Variants in ZFYVE9 observed in about 807,000 individuals in gnomAD.
The protein encoded by ZFYVE9 is zinc finger FYVE-type containing 9.
A neutral mutation model predicts 126.7 loss-of-function variants in ZFYVE9; 43 were observed. That is an observed-to-expected ratio of 0.34 (90% CI 0.27 to 0.44). The LOEUF (loss-of-function observed/expected upper bound fraction) is 0.44. ZFYVE9 is among the 20% of genes least tolerant of loss of function. The probability of loss-of-function intolerance (pLI) is 1.00; values close to 1 mark genes in which losing one functional copy is unlikely to be tolerated. For missense variants in ZFYVE9, 1,476 were observed against 1,697.0 expected (o/e 0.87, Z 2.29); for synonymous variants, 521 against 597.4 (o/e 0.87, Z 1.87).
intron 13 of ZFYVE9, among the ~76,000 whole-genome samples, chr1:52,304,640 G>T (rs935204232): frequency 1.5e-4 from 23 of 150,698 alleles, no homozygotes; most frequent in African/African-American, 2.4e-5. Context: ...TCTTCATTTA[G>T]CCACTAAATC....
rs190450725 is a variant in ZFYVE9, at chr1:52,229,198, A to T, written c.-36-3973A>T. On this transcript the variant is annotated intron_variant, in intron 2 of 18. Transcript: ENST00000287727. The stretch of plus-strand genomic sequence containing the variant: ...TAATATTTTGGAAAGTTCAGATCAG[A>T]TACAGAATGTCTCACATTCTAGATT... 5.3e-5 allele frequency among the ~76,000 whole-genome samples: 8 copies of T among 152,304 alleles called. No individual in the cohort carries two copies. In the East Asian group the frequency reaches 1.5e-3, roughly 29 times the overall value.
In ZFYVE9 at chr1:52,294,131, G is replaced by A. The variant is rs77911412; in HGVS notation, c.3250+454G>A. Among the ~76,000 whole-genome samples, 1,065 of 152,290 alleles carry A rather than the reference G, an allele frequency of 7.0e-3. 13 individuals carry two copies. Among genetic ancestry groups the A allele is most frequent in the African/African-American group, 0.024 (1,012 of 41,560 alleles). On this transcript the variant is annotated intron_variant, in intron 11 of 18. Coordinates refer to ENST00000287727, the MANE Select transcript of ZFYVE9 (RefSeq NM_004799.4). The stretch of plus-strand genomic sequence containing the variant: ...CTTCCTTGCTCATGGCTTTAGCAGC[G>A]TAACTAAGATGTGATTTTTAAAAAG...
chr1:52,246,153 C>T (rs571639671), intron 4 of ZFYVE9, among the ~76,000 whole-genome samples: 1 of 152,232 alleles, frequency 6.6e-6, no homozygotes, highest in African/African-American at 2.4e-5. Flanking sequence ...AGTCTCAAAA[C>T]TCCTGGGCTC....
intron 3 of ZFYVE9, among the ~76,000 whole-genome samples, chr1:52,233,782 T>TG (rs1192737823): frequency 1.3e-5 from 2 of 152,178 alleles, no homozygotes; most frequent in African/African-American, 4.8e-5. Flanking sequence ...GATTCACTTC[T>TG]TTTGTTTGTT....
intron 1 of ZFYVE9, among the ~76,000 whole-genome samples, chr1:52,198,283 C>A (rs937204183): frequency 1.3e-5 from 2 of 151,640 alleles, no homozygotes; most frequent in East Asian, 3.9e-4. Context: ...CCACCACGCT[C>A]AGAAAATTTT....
At chr1:52,260,342 C>T (rs1264530701) in intron 4 of ZFYVE9, among the ~76,000 whole-genome samples, 3 of 151,918 alleles carry the variant, frequency 2.0e-5, no homozygotes, top group Non-Finnish European at 2.9e-5. Flanking sequence ...GAGTTCTTTG[C>T]CTTATTTCCT....
intron 1 of ZFYVE9, among the ~76,000 whole-genome samples, chr1:52,193,442 C>T (rs749136917): frequency 4.1e-5 from 6 of 146,216 alleles, no homozygotes; most frequent in South Asian, 2.2e-4. Context: ...TGTGGTGGCT[C>T]ATGTCTGTAA....
chr1:52,271,934 G>A (rs1645696817), intron 7 of ZFYVE9, among the ~76,000 whole-genome samples: 1 of 152,060 alleles, frequency 6.6e-6, no homozygotes. Flanking sequence ...CCGCCTCCTG[G>A]GCTTGAGTGA....
intron 1 of ZFYVE9, among the ~76,000 whole-genome samples, chr1:52,200,252 C>T (rs1376780419): frequency 1.3e-5 from 2 of 152,096 alleles, no homozygotes. Flanking sequence ...AATCACAGCT[C>T]ACTGCAGCCT....
chr1:52,237,642 T>C lies in ZFYVE9; in HGVS notation c.225T>C (p.Ala75=). The C allele has an allele frequency of 6.2e-7, 1 of 1,614,120 alleles. No homozygotes were observed. Residue 75 remains alanine (A), a synonymous_variant, in exon 4 of 19, where the codon GCT becomes GCC. Transcript: ENST00000287727. ...SQPQLKVFSL[A]HSAPLTTEEE... ...CACAACTGAAAGTCTTCTCCCTGGC[T>C]CATTCAGCTCCCCTGACCACAGAGG...
intron 6 of ZFYVE9, among the ~76,000 whole-genome samples, chr1:52,267,730 A>G (rs1293104856): frequency 6.6e-6 from 1 of 151,656 alleles, no homozygotes; most frequent in Non-Finnish European, 1.5e-5. Flanking sequence ...TATTCTCTTC[A>G]TTTGTTGTTT....
chr1:52,212,225 A>G (rs1480955407), intron 1 of ZFYVE9, among the ~76,000 whole-genome samples: 2 of 152,044 alleles, frequency 1.3e-5, no homozygotes, highest in Non-Finnish European at 2.9e-5. Flanking sequence ...GCTCACTGCA[A>G]CCTCCACCTC....
rs773519550 is a variant in ZFYVE9, at chr1:52,263,919, G to A, written c.2278+47G>A. ...TTTCATAGTTATTGAGACAAAACAA[G>A]GGAATTACGATGAGAAGACTTTTTT... On this transcript the variant is annotated intron_variant, in intron 5 of 18. Coordinates refer to ENST00000287727, the MANE Select transcript of ZFYVE9 (RefSeq NM_004799.4). 8 of 1,320,706 alleles carry A rather than the reference G, an allele frequency of 6.1e-6. No individual in the cohort carries two copies. The East Asian group carries it at 1.7e-4, about 29-fold the overall frequency. 81.8% of individuals were successfully genotyped at this position (1,320,706 alleles called of 1,614,324 possible).
chr1:52,307,460 C>A (rs1646095538), intron 13 of ZFYVE9, among the ~76,000 whole-genome samples: 1 of 152,158 alleles, frequency 6.6e-6, no homozygotes, highest in African/African-American at 2.4e-5. Flanking sequence ...TGGTCTCAAA[C>A]TCCTAACTGC....
chr1:52,202,182 A>G (rs188140580), intron 1 of ZFYVE9, among the ~76,000 whole-genome samples: 2 of 152,186 alleles, frequency 1.3e-5, no homozygotes, highest in East Asian at 3.9e-4. Context: ...CTTCCTGCTT[A>G]TATGGTTTCT....
In ZFYVE9 at chr1:52,291,548, A is replaced by G. The variant is rs1258071684; in HGVS notation, c.3026-1905A>G. Among the ~76,000 whole-genome samples the G allele has an allele frequency of 2.6e-5, 4 of 152,214 alleles. No homozygotes were observed. In the East Asian group the frequency reaches 5.8e-4, roughly 22 times the overall value. On this transcript the variant is annotated intron_variant, in intron 10 of 18. Coordinates refer to ENST00000287727, the MANE Select transcript of ZFYVE9 (RefSeq NM_004799.4). ...GGGTTGATATGTTTGTTACTGTTTC[A>G]TTCACAAAAGTATTTTGAATTATAA...
intron 12 of ZFYVE9, 56 bp downstream of exon 12, chr1:52,296,033 A>G: frequency 6.7e-7 from 1 of 1,484,956 alleles, no homozygotes; most frequent in Non-Finnish European, 9.3e-7. Context: ...GGGAGAAGGA[A>G]GAAAGCAATT....
rs1030738395 is a variant in ZFYVE9, at chr1:52,160,492, A to C, written c.-143+18089A>C. On this transcript the variant is annotated intron_variant, in intron 1 of 18. Transcript: ENST00000287727. ...GGAATGGACGAGTGGCAGTTTCTTC[A>C]CCTGAAGCGGCTACTCTAGCCACCA... is the stretch of plus-strand genomic sequence containing the variant. The C allele has an allele frequency of 9.3e-4, 738 of 796,690 alleles. 1 individual carries two copies. The highest frequency in any genetic ancestry group is 1.2e-3 in the Admixed American group (69 of 59,002). The allele number at this position is 796,690 out of a possible 1,614,324, so 49.4% of individuals were successfully genotyped here.
At chr1:52,305,836 G>C (rs1338489229) in intron 13 of ZFYVE9, among the ~76,000 whole-genome samples, 3 of 152,160 alleles carry the variant, frequency 2.0e-5, no homozygotes, top group Non-Finnish European at 2.9e-5. Context: ...TTTCCCTGCT[G>C]TCAGCACCCA....
Sources: gnomAD v4.1 joint callset for allele counts (sites outside exome capture counted in the v4.1 genomes callset) on GRCh38, gnomAD v4.1.1 for gene constraint, MANE v1.5 for transcripts, NCBI Gene and HGNC (gene_info 2026-07-23, HGNC 2026-07-21) for gene names.